The following DAB1 variants were observed in gnomAD, a reference collection of about 807,000 sequenced individuals.
The protein encoded by DAB1 is DAB adaptor protein 1.
In DAB1, 15 loss-of-function variants were observed where a neutral mutation model predicts 64.6. The observed-to-expected ratio is 0.23, with a 90% CI of 0.16 to 0.36. The LOEUF is 0.36. Among genes scored for constraint, DAB1 ranks in the 10% least tolerant of loss-of-function variants. The probability of loss-of-function intolerance (pLI) is 1.00; values close to 1 mark genes in which losing one functional copy is unlikely to be tolerated. For synonymous variants in DAB1, 235 were observed against 251.9 expected, an observed-to-expected ratio of 0.93 and a Z score of 0.64; for missense variants, 596 against 706.7, an observed-to-expected ratio of 0.84 and a Z score of 1.78.
In DAB1 at chr1:58,242,277, G is replaced by A. The variant is rs907809546; in HGVS notation, n.310-91689C>T. On this transcript the variant is annotated intron_variant and non_coding_transcript_variant, in intron 4 of 20. Coordinates refer to the DAB1 transcript ENST00000485760. ...ACCAATGACAAAAATTCCTGCCTAT[G>A]TATATGTGTGTGTGAATGTATGTAT... Among the ~76,000 whole-genome samples, 39 of 152,048 alleles carry A rather than the reference G, an allele frequency of 2.6e-4. 1 individual carries two copies. Among genetic ancestry groups the A allele is most frequent in the African/African-American group, 9.4e-4 (39 of 41,446 alleles).
rs79119968 is a variant in DAB1 at position 58,166,573 on chromosome 1, C to T, written n.310-15985G>A. 3.6e-3 allele frequency among the ~76,000 whole-genome samples: 555 copies of T among 152,124 alleles called. 2 individuals carry two copies. Among genetic ancestry groups the T allele is most frequent in the Middle Eastern group, 0.017 (5 of 294 alleles). The stretch of plus-strand genomic sequence containing the variant: ...TGAACATTTGAAGTGTTTCCACTTC[C>T]TTGGATACTATCAATAATGCTGCCA... On this transcript the variant is annotated intron_variant and non_coding_transcript_variant, in intron 4 of 20. Coordinates refer to the DAB1 transcript ENST00000485760.
At chr1:57,774,272 T>G (rs1190175667) in intron 6 of DAB1, among the ~76,000 whole-genome samples, 1 of 151,882 alleles carries the variant, frequency 6.6e-6, no homozygotes, top group Non-Finnish European at 1.5e-5. Context: ...TGCCAGTATA[T>G]GAAAATATAA....
chr1:57,865,129 C>G (rs1884486), intron 1 of DAB1: 36,053 of 152,002 alleles, frequency 0.24, 5,008 homozygotes, highest in Non-Finnish European at 0.31. Context: ...TCACAGATGT[C>G]TCCTTCCAGG....
chr1:58,300,603 A>AGAAAG (rs1662115001), intron 4 of DAB1, among the ~76,000 whole-genome samples: 1 of 37,216 alleles, frequency 2.7e-5, no homozygotes, highest in African/African-American at 8.9e-5. Flanking sequence ...AAAGAAAGAA[A>AGAAAG]GAAAGAAAGA....
chr1:57,801,907 C>G (rs914411702), intron 6 of DAB1, among the ~76,000 whole-genome samples: 1 of 152,198 alleles, frequency 6.6e-6, no homozygotes. Flanking sequence ...ATCCAACCGC[C>G]TTGGCTCCCC....
At chr1:58,491,716 T>C (rs1215316897) in intron 3 of DAB1, among the ~76,000 whole-genome samples, 1 of 152,206 alleles carries the variant, frequency 6.6e-6, no homozygotes, top group Non-Finnish European at 1.5e-5. Context: ...AAGAGCTAAC[T>C]ATCCTAAATA....
At chr1:57,042,063 T>C (rs1026240685) in intron 9 of DAB1, among the ~76,000 whole-genome samples, 1 of 152,142 alleles carries the variant, frequency 6.6e-6, no homozygotes, top group African/African-American at 2.4e-5. Flanking sequence ...GCTCACATTT[T>C]GTAACAAGGA....
chr1:57,218,515 TAAAAAAAA>T (rs776398255), intron 2 of DAB1, among the ~76,000 whole-genome samples: 992 of 71,424 alleles, frequency 0.014, 13 homozygotes, highest in East Asian at 0.021. Context: ...CCCCCATCTC[TAAAAAAAA>T]AAAAAAAAAA....
intron 4 of DAB1, among the ~76,000 whole-genome samples, chr1:57,122,871 A>T (rs1353948534): frequency 6.6e-6 from 1 of 152,132 alleles, no homozygotes; most frequent in Admixed American, 6.5e-5. Context: ...GGAGAATTTT[A>T]TAAAGTGCCA....
In DAB1 at chr1:58,231,768, G is replaced by C. The variant is rs1041320921; in HGVS notation, n.310-81180C>G. ...CACTGACAATAAACTCAGGGTTCTTGATTGGAACATAACCAAGTGGGGACA... is the reference window on the plus strand; with the variant it reads ...CACTGACAATAAACTCAGGGTTCTTCATTGGAACATAACCAAGTGGGGACA... On this transcript the variant is annotated intron_variant and non_coding_transcript_variant, in intron 4 of 20. Transcript: ENST00000485760. Among the ~76,000 whole-genome samples, 16 of 152,306 alleles carry C rather than the reference G, an allele frequency of 1.1e-4. No homozygotes were observed. The East Asian group carries it at 3.1e-3, about 29-fold the overall frequency.
chr1:57,254,182 A>G (rs1669584861), intron 2 of DAB1, among the ~76,000 whole-genome samples: 1 of 152,192 alleles, frequency 6.6e-6, no homozygotes, highest in African/African-American at 2.4e-5. Flanking sequence ...TCCAAATTCT[A>G]TGACTACCTC....
intron 1 of DAB1, among the ~76,000 whole-genome samples, chr1:57,355,954 A>G (rs989421565): frequency 1.3e-4 from 19 of 151,670 alleles, no homozygotes; most frequent in Non-Finnish European, 1.5e-4. Flanking sequence ...TTAAATTGCA[A>G]CCTAATTCAC....
chr1:57,521,426 AG>A (rs367730769), intron 7 of DAB1, among the ~76,000 whole-genome samples: 315 of 151,516 alleles, frequency 2.1e-3, no homozygotes, highest in African/African-American at 7.2e-3. Context: ...GGAGTCTGGC[AG>A]GGGGCTGAAC....
chr1:58,183,999 T>C (rs1656936289), intron 4 of DAB1, among the ~76,000 whole-genome samples: 1 of 152,090 alleles, frequency 6.6e-6, no homozygotes, highest in Non-Finnish European at 1.5e-5. Flanking sequence ...CCCCTGGACA[T>C]GCACACACTC....
At chr1:57,076,244 G>C (rs1235722135) in intron 4 of DAB1, among the ~76,000 whole-genome samples, 1 of 152,200 alleles carries the variant, frequency 6.6e-6, no homozygotes, top group African/African-American at 2.4e-5. Flanking sequence ...AACAGCCAGA[G>C]AATACCGGCC....
chr1:57,200,493 G>A (rs1454100651), intron 2 of DAB1, among the ~76,000 whole-genome samples: 3 of 152,182 alleles, frequency 2.0e-5, no homozygotes, highest in African/African-American at 7.2e-5. Context: ...TAGTGTGGAG[G>A]CAGAGAGCCA....
intron 6 of DAB1, among the ~76,000 whole-genome samples, chr1:57,802,732 C>A (rs1174878476): frequency 6.6e-6 from 1 of 152,134 alleles, no homozygotes; most frequent in Non-Finnish European, 1.5e-5. Flanking sequence ...GTAAGACACG[C>A]CCACTTCCCC....
chr1:57,379,197 G>A (rs17115686), intron 1 of DAB1, among the ~76,000 whole-genome samples: 47,663 of 151,830 alleles, frequency 0.31, 7,971 homozygotes, highest in African/African-American at 0.4. Flanking sequence ...TTCCTATTTC[G>A]TACATTGAAG....
At chr1:58,494,572 GA>G (rs1569888318) in intron 3 of DAB1, among the ~76,000 whole-genome samples, 1 of 151,956 alleles carries the variant, frequency 6.6e-6, no homozygotes, top group South Asian at 2.1e-4. Flanking sequence ...AAATTTACAA[GA>G]AAAAAACAAA....
Sources: gnomAD v4.1 joint callset for allele counts (sites outside exome capture counted in the v4.1 genomes callset) on GRCh38, gnomAD v4.1.1 for gene constraint, MANE v1.5 for transcripts, NCBI Gene and HGNC (gene_info 2026-07-23, HGNC 2026-07-21) for gene names.